SLC24A2: variants seen among roughly 807,000 people sequenced by gnomAD.
The protein encoded by SLC24A2 is sodium/potassium/calcium exchanger 2.
In SLC24A2, 36 loss-of-function variants were observed where a neutral mutation model predicts 62.0. That is an observed-to-expected ratio of 0.58 (90% CI 0.44 to 0.77). The LOEUF (loss-of-function observed/expected upper bound fraction) is 0.77. Among genes scored for constraint, SLC24A2 ranks in the 30% least tolerant of loss-of-function variants. The probability of loss-of-function intolerance (pLI) is 0.00; values close to 1 mark genes in which losing one functional copy is unlikely to be tolerated. For missense variants in SLC24A2, 846 were observed against 817.9 expected, an observed-to-expected ratio of 1.03 and a Z score of -0.42; for synonymous variants, 358 against 294.0, an observed-to-expected ratio of 1.22 and a Z score of -2.23.
At chr9:20,210,793 C>A in the SLC24A2 span, among the ~76,000 whole-genome samples, 17 of 151,878 alleles carry the variant, frequency 1.1e-4, no homozygotes, top group East Asian at 1.4e-3. Flanking sequence ...TGTGAGCCAC[C>A]GCGCCCGGCC....
At chr9:20,238,107 C>T in the SLC24A2 span, among the ~76,000 whole-genome samples, 1 of 152,196 alleles carries the variant, frequency 6.6e-6, no homozygotes, top group Non-Finnish European at 1.5e-5. Flanking sequence ...TGAGCCTCCA[C>T]AGAAGGAAAA....
intron 2 of SLC24A2, among the ~76,000 whole-genome samples, chr9:19,776,273 C>T (rs1822843527): frequency 6.6e-6 from 1 of 152,210 alleles, no homozygotes; most frequent in Non-Finnish European, 1.5e-5. Context: ...AACTAGCTTG[C>T]AGTTTGAAAT....
intron 10 of SLC24A2, among the ~76,000 whole-genome samples, chr9:19,517,509 C>T (rs941511525): frequency 6.6e-6 from 1 of 152,186 alleles, no homozygotes; most frequent in Admixed American, 6.5e-5. Flanking sequence ...CATTGGAAGG[C>T]AGAGCCCGTG....
chr9:19,542,395 T>G (rs1242508529), intron 8 of SLC24A2, among the ~76,000 whole-genome samples: 1 of 152,196 alleles, frequency 6.6e-6, no homozygotes, highest in East Asian at 1.9e-4. Context: ...ACAGAGACAA[T>G]TTGACTTCCT....
chr9:19,587,430 A>C (rs1457061801), intron 5 of SLC24A2, among the ~76,000 whole-genome samples: 1 of 152,158 alleles, frequency 6.6e-6, no homozygotes, highest in East Asian at 1.9e-4. Context: ...CTTAGTTTAT[A>C]TTTTAATTTT....
At chr9:20,021,895 C>A in the SLC24A2 span, among the ~76,000 whole-genome samples, 2 of 152,174 alleles carry the variant, frequency 1.3e-5, no homozygotes, top group Non-Finnish European at 2.9e-5. Context: ...TCTTCAGTTT[C>A]TGCTGACTCT....
chr9:20,278,075 A>G, the SLC24A2 span, among the ~76,000 whole-genome samples: 4 of 149,544 alleles, frequency 2.7e-5, no homozygotes, highest in Non-Finnish European at 4.5e-5. Context: ...ATCACACGCC[A>G]GGGTCTGTCG....
chr9:19,611,894 G>A (rs1245332815), intron 4 of SLC24A2, among the ~76,000 whole-genome samples: 1 of 152,156 alleles, frequency 6.6e-6, no homozygotes, highest in Non-Finnish European at 1.5e-5. Flanking sequence ...GATCTCATCT[G>A]AGAAGCATGA....
In SLC24A2 at chr9:19,576,973, TTTC is replaced by T; in HGVS notation, c.1176_1178del (p.Lys393del). 6.2e-7 allele frequency: 1 copy of T among 1,614,196 alleles called. No homozygotes were observed. Among genetic ancestry groups the T allele is most frequent in the Non-Finnish European group, 8.5e-7 (1 of 1,180,028 alleles). On this transcript the variant is annotated inframe_deletion, in exon 6 of 11. Coordinates refer to ENST00000341998, the MANE Select transcript of SLC24A2 (RefSeq NM_020344.4). ...GCCTCTCGTTCTCATCCACATGACA[TTTC>T]TTCTTGGCGATCTTGTGGAGAATTG...
chr9:20,014,174 T>C, the SLC24A2 span, among the ~76,000 whole-genome samples: 4 of 152,042 alleles, frequency 2.6e-5, no homozygotes, highest in Non-Finnish European at 5.9e-5. Flanking sequence ...TGCCACTGCA[T>C]GCCAGCCTGG....
the SLC24A2 span, among the ~76,000 whole-genome samples, chr9:20,095,045 CA>C: frequency 6.6e-6 from 1 of 152,016 alleles, no homozygotes; most frequent in East Asian, 1.9e-4. Flanking sequence ...ATACTTTAAC[CA>C]AAAAATATTA....
At chr9:20,255,785 A>C in the SLC24A2 span, among the ~76,000 whole-genome samples, 1 of 152,224 alleles carries the variant, frequency 6.6e-6, no homozygotes, top group African/African-American at 2.4e-5. Flanking sequence ...GGTTAAAAGG[A>C]ATAGAAAGTG....
At chr9:20,225,525 C>T in the SLC24A2 span, among the ~76,000 whole-genome samples, 2 of 81,092 alleles carry the variant, frequency 2.5e-5, no homozygotes, top group African/African-American at 1.5e-4. Flanking sequence ...TGAGTGGGTA[C>T]ATTAATGTTT....
intron 2 of SLC24A2, among the ~76,000 whole-genome samples, chr9:19,679,481 G>T (rs1198374528): frequency 6.6e-6 from 1 of 152,130 alleles, no homozygotes; most frequent in African/African-American, 2.4e-5. Flanking sequence ...TGCCCAGATA[G>T]CTGGTAAAAC....
At chr9:19,973,213 G>A in the SLC24A2 span, among the ~76,000 whole-genome samples, 2,189 of 152,282 alleles carry the variant, frequency 0.014, 43 homozygotes, top group African/African-American at 0.041. Flanking sequence ...TGCTACCAGT[G>A]TTCTTGTGTA....
the SLC24A2 span, among the ~76,000 whole-genome samples, chr9:20,211,371 G>A: frequency 1.3e-5 from 2 of 152,102 alleles, no homozygotes; most frequent in African/African-American, 2.4e-5. Flanking sequence ...AATTAGCTGG[G>A]TATGGTGGCA....
intron 10 of SLC24A2, among the ~76,000 whole-genome samples, chr9:19,519,192 A>G (rs1337824606): frequency 6.6e-6 from 1 of 152,244 alleles, no homozygotes; most frequent in Admixed American, 6.5e-5. Context: ...TGCCAGGCAT[A>G]GATTGCTTTA....
At chr9:20,121,369 G>T in the SLC24A2 span, among the ~76,000 whole-genome samples, 1 of 151,842 alleles carries the variant, frequency 6.6e-6, no homozygotes, top group African/African-American at 2.4e-5. Flanking sequence ...TATTATAAAT[G>T]AAATTTTTAA....
chr9:19,816,257 C>T, the SLC24A2 span, among the ~76,000 whole-genome samples: 1 of 151,962 alleles, frequency 6.6e-6, no homozygotes, highest in African/African-American at 2.4e-5. Context: ...TTTGTTACTC[C>T]ACTATCCCCT....
Sources: allele counts gnomAD v4.1 joint callset (sites outside exome capture counted in the v4.1 genomes callset), GRCh38; gene constraint gnomAD v4.1.1; transcripts MANE v1.5; gene names NCBI Gene and HGNC (gene_info 2026-07-23, HGNC 2026-07-21).